Variants in OTUD7A observed in about 807,000 individuals in gnomAD.
OTUD7A encodes the protein OTU deubiquitinase 7A.
OTUD7A carries 12 observed loss-of-function variants against 65.7 expected under a neutral mutation model. The observed-to-expected ratio is 0.18, with a 90% CI of 0.12 to 0.30. The LOEUF is 0.30. OTUD7A is among the 10% of genes least tolerant of loss of function. OTUD7A has a pLI of 1.00. For synonymous variants in OTUD7A, 641 were observed against 586.3 expected (o/e 1.09, Z -1.35); for missense variants, 1,148 against 1,304.8 (o/e 0.88, Z 1.85).
chr15:31,613,933 A>G (rs555564972), intron 3 of OTUD7A, among the ~76,000 whole-genome samples: 15 of 152,296 alleles, frequency 9.8e-5, no homozygotes, highest in African/African-American at 3.6e-4. Context: ...ACTGTGGTGT[A>G]TATATATATG....
intron 1 of OTUD7A, among the ~76,000 whole-genome samples, chr15:31,783,684 C>G (rs561285513): frequency 6.6e-6 from 1 of 152,300 alleles, no homozygotes; most frequent in African/African-American, 2.4e-5. Flanking sequence ...GGTCCTGAGG[C>G]AGAGCACCTG....
At chr15:31,588,384 G>T (rs570532038) in intron 3 of OTUD7A, among the ~76,000 whole-genome samples, 1 of 152,324 alleles carries the variant, frequency 6.6e-6, no homozygotes, top group African/African-American at 2.4e-5. Context: ...GAAAGCAAGG[G>T]AAAGGTAAAC....
intron 1 of OTUD7A, among the ~76,000 whole-genome samples, chr15:31,830,479 T>C (rs1206132343): frequency 1.3e-5 from 2 of 152,218 alleles, no homozygotes; most frequent in Non-Finnish European, 2.9e-5. Flanking sequence ...TCATTTTACA[T>C]ATGACAGAAG....
intron 1 of OTUD7A, among the ~76,000 whole-genome samples, chr15:31,773,274 G>A (rs1895288458): frequency 6.6e-6 from 1 of 152,228 alleles, no homozygotes; most frequent in Non-Finnish European, 1.5e-5. Context: ...TCCACACTCA[G>A]TCTAGTTAGT....
intron 1 of OTUD7A, among the ~76,000 whole-genome samples, chr15:31,784,104 T>C (rs1450877606): frequency 1.3e-5 from 2 of 152,234 alleles, no homozygotes; most frequent in African/African-American, 4.8e-5. Flanking sequence ...GCGATCAGTG[T>C]ATCATGTTAC....
At chr15:31,815,047 A>T (rs1896512732) in intron 1 of OTUD7A, among the ~76,000 whole-genome samples, 1 of 152,126 alleles carries the variant, frequency 6.6e-6, no homozygotes, top group Non-Finnish European at 1.5e-5. Context: ...GCTGCAAAGG[A>T]GACAACTGGG....
At chr15:31,775,069 C>T (rs754099434) in intron 1 of OTUD7A, among the ~76,000 whole-genome samples, 89 of 147,064 alleles carry the variant, frequency 6.1e-4, no homozygotes, top group Non-Finnish European at 8.2e-4. Flanking sequence ...CACGTGTGTA[C>T]GCTCCCATGT....
At chr15:31,672,291 T>C in intron 1 of OTUD7A, among the ~76,000 whole-genome samples, 1 of 152,210 alleles carries the variant, frequency 6.6e-6, no homozygotes, top group Non-Finnish European at 1.5e-5. Flanking sequence ...AATTTTTTCC[T>C]GTGGAAATTG....
At chr15:31,839,977 T>A (rs1287092632) in intron 1 of OTUD7A, among the ~76,000 whole-genome samples, 1 of 152,180 alleles carries the variant, frequency 6.6e-6, no homozygotes, top group Non-Finnish European at 1.5e-5. Flanking sequence ...TGTTATTTTG[T>A]CTTGCTAGCT....
chr15:31,587,843 A>G (rs1889594927), intron 3 of OTUD7A, among the ~76,000 whole-genome samples: 5 of 151,896 alleles, frequency 3.3e-5, no homozygotes, highest in African/African-American at 1.2e-4. Flanking sequence ...GCTTTCTGCC[A>G]TAGGGCCCTA....
chr15:31,845,404 C>T (rs372268264), intron 1 of OTUD7A, among the ~76,000 whole-genome samples: 1 of 152,228 alleles, frequency 6.6e-6, no homozygotes, highest in African/African-American at 2.4e-5. Context: ...GGTGCACACT[C>T]GTGCACATCA....
chr15:31,775,545 A>G (rs913589083), intron 1 of OTUD7A, among the ~76,000 whole-genome samples: 1 of 152,220 alleles, frequency 6.6e-6, no homozygotes, highest in Non-Finnish European at 1.5e-5. Flanking sequence ...ACTCATTGAG[A>G]TGACATTTGT....
intron 1 of OTUD7A, among the ~76,000 whole-genome samples, chr15:31,833,121 T>G (rs1896975380): frequency 6.6e-6 from 1 of 152,234 alleles, no homozygotes; most frequent in Admixed American, 6.5e-5. Context: ...GCAGTGATGT[T>G]CTTGATCCTT....
chr15:31,525,354 C>A (rs912634736), intron 8 of OTUD7A, among the ~76,000 whole-genome samples: 32 of 152,210 alleles, frequency 2.1e-4, no homozygotes, highest in Middle Eastern at 3.2e-3. Context: ...GACAAGACAG[C>A]CCTGGAGGAA....
intron 5 of OTUD7A, among the ~76,000 whole-genome samples, chr15:31,537,553 G>A (rs1044336262): frequency 6.6e-6 from 1 of 152,180 alleles, no homozygotes; most frequent in Admixed American, 6.5e-5. Flanking sequence ...GAAAAAACAC[G>A]CAGTTACTTA....
intron 3 of OTUD7A, among the ~76,000 whole-genome samples, chr15:31,610,230 A>G (rs2141221571): frequency 6.6e-6 from 1 of 152,252 alleles, no homozygotes; most frequent in South Asian, 2.1e-4. Flanking sequence ...ATATAATGCT[A>G]AAAAGCCTTG....
chr15:31,668,804 T>C (rs1246504158), intron 1 of OTUD7A, among the ~76,000 whole-genome samples: 1 of 152,218 alleles, frequency 6.6e-6, no homozygotes, highest in Admixed American at 6.5e-5. Flanking sequence ...GGTCTAGGGC[T>C]GCAGGCTGTT....
chr15:31,554,443 G>A (rs1359257330), intron 5 of OTUD7A, among the ~76,000 whole-genome samples: 1 of 152,182 alleles, frequency 6.6e-6, no homozygotes, highest in Non-Finnish European at 1.5e-5. Flanking sequence ...GCCAAGTGAC[G>A]TGGCCAAGCT....
chr15:31,608,465 G>A (rs1167546129), intron 3 of OTUD7A, among the ~76,000 whole-genome samples: 2 of 152,186 alleles, frequency 1.3e-5, no homozygotes, highest in Admixed American at 6.5e-5. Flanking sequence ...CAGACACACA[G>A]TGGGAGGTGG....
Sources: allele counts gnomAD v4.1 joint callset (sites outside exome capture counted in the v4.1 genomes callset), GRCh38; gene constraint gnomAD v4.1.1; transcripts MANE v1.5; gene names NCBI Gene and HGNC (gene_info 2026-07-23, HGNC 2026-07-21).